The following COLGALT1 variants were observed in gnomAD, a reference collection of about 807,000 sequenced individuals.
COLGALT1 encodes the protein procollagen galactosyltransferase 1.
In COLGALT1, 43 loss-of-function variants were observed where a neutral mutation model predicts 60.8. The ratio of observed to expected loss-of-function variants is 0.71; its 90% CI spans 0.55 to 0.91. The LOEUF is 0.91. COLGALT1 is among the 40% of genes least tolerant of loss of function. The probability of loss-of-function intolerance (pLI) is 0.00; values close to 1 mark genes in which losing one functional copy is unlikely to be tolerated. For synonymous variants in COLGALT1, 369 were observed against 374.2 expected (o/e 0.99, Z 0.16); for missense variants, 845 against 880.0 (o/e 0.96, Z 0.50).
chr19:17,577,106 T>G, intron 6 of COLGALT1, 89 bp from the exon 7 acceptor site: 1 of 1,338,796 alleles, frequency 7.5e-7, no homozygotes, highest in Non-Finnish European at 1.1e-6. Flanking sequence ...CCAGTCTGAC[T>G]GGGAGCCATG....
chr19:17,578,363 C>T (rs886524433), intron 9 of COLGALT1, among the ~76,000 whole-genome samples: 1 of 152,112 alleles, frequency 6.6e-6, no homozygotes, highest in African/African-American at 2.4e-5. Flanking sequence ...GGCCTGGGAC[C>T]TGTAAACAAA....
At chr19:17,560,323 C>G in intron 2 of COLGALT1, 25 bp from the exon 3 acceptor site, 12 of 1,566,310 alleles carry the variant, frequency 7.7e-6, no homozygotes, top group Non-Finnish European at 1.1e-5. Context: ...CTTGTGATGT[C>G]CACATCACAG....
intron 5 of COLGALT1, among the ~76,000 whole-genome samples, chr19:17,571,309 T>G (rs2076311264): frequency 6.6e-6 from 1 of 151,668 alleles, no homozygotes; most frequent in South Asian, 2.1e-4. Context: ...CCCAGCTACT[T>G]GGGAGGCTGA....
At chr19:17,567,333 C>T (rs2076285323) in intron 3 of COLGALT1, 73 bp from the exon 4 acceptor site, 1 of 1,589,868 alleles carries the variant, frequency 6.3e-7, no homozygotes. Flanking sequence ...AGGGCACTGG[C>T]CTTTGCCCCA....
intron 3 of COLGALT1, among the ~76,000 whole-genome samples, chr19:17,562,804 G>T (rs191202701): frequency 6.6e-6 from 1 of 152,256 alleles, no homozygotes; most frequent in East Asian, 1.9e-4. Context: ...AAGGAGACAG[G>T]TTCTGCTTTG....
At chr19:17,577,590 G>T in intron 8 of COLGALT1, 123 bp downstream of exon 8, 1 of 864,324 alleles carries the variant, frequency 1.2e-6, no homozygotes, top group African/African-American at 1.7e-5. Context: ...TGTAGACCTC[G>T]TCAGTGGGCG....
intron 3 of COLGALT1, among the ~76,000 whole-genome samples, chr19:17,561,839 T>C (rs768919933): frequency 9.9e-5 from 15 of 152,118 alleles, no homozygotes; most frequent in Non-Finnish European, 2.1e-4. Flanking sequence ...CCAAATGTTA[T>C]TTCAGCCTTC....
intron 3 of COLGALT1, among the ~76,000 whole-genome samples, chr19:17,564,401 G>T (rs1029853321): frequency 3.5e-5 from 5 of 141,024 alleles, no homozygotes; most frequent in African/African-American, 1.3e-4. Flanking sequence ...AAACAAGAAA[G>T]AAAAACATCT....
rs989330107 is a variant in COLGALT1 at position 17,583,132 on chromosome 19, T to C, written c.*1688T>C. On this transcript the variant is annotated 3_prime_UTR_variant, in exon 12 of 12. Transcript: ENST00000252599. Reference sequence around the variant, plus strand: ...CTTGGGGATAACTTGCTTAGTTTTTTAATAAATGTTCCTGGTTGGTTTTCA... The same window carrying C: ...CTTGGGGATAACTTGCTTAGTTTTTCAATAAATGTTCCTGGTTGGTTTTCA... 1.3e-5 allele frequency: 2 copies of C among 152,248 alleles called. No individual in the cohort carries two copies. 9.4% of individuals were successfully genotyped at this position (152,248 alleles called of 1,614,324 possible). A position where few individuals can be genotyped will look rare whatever the true frequency, so the allele number is the denominator to read the frequency against.
At chr19:17,567,776 T>TAA (rs10708878) in intron 4 of COLGALT1, among the ~76,000 whole-genome samples, 27 of 141,972 alleles carry the variant, frequency 1.9e-4, no homozygotes, top group Middle Eastern at 3.6e-3. Flanking sequence ...CCATCTCTAC[T>TAA]AAAAAAAAAA....
chr19:17,577,204 C>G lies in COLGALT1; in HGVS notation c.959C>G (p.Pro320Arg), dbSNP rs780399866. 1.2e-6 allele frequency: 2 copies of G among 1,613,022 alleles called. No homozygotes were observed. Among genetic ancestry groups the G allele is most frequent in the African/African-American group, 1.3e-5 (1 of 74,710 alleles). The change falls in exon 7 of 12, where the codon CCG becomes CGG. Residue 320 changes from proline to arginine, a missense_variant. Coordinates refer to ENST00000252599, the MANE Select transcript of COLGALT1 (RefSeq NM_024656.4). ...CGTCTGTGCCCCACAGTGAAGCACCCGCCCGCAGAGCCCTCCCGCTTCATC... is the reference window on the plus strand; with the variant it reads ...CGTCTGTGCCCCACAGTGAAGCACCGGCCCGCAGAGCCCTCCCGCTTCATC... ...HVQLEVMVKH[P>R]PAEPSRFISA...
In COLGALT1 at chr19:17,572,734, G is replaced by C. The variant is rs974893595; in HGVS notation, c.949+132G>C. 7 of 1,321,474 alleles carry C rather than the reference G, an allele frequency of 5.3e-6. No homozygotes were observed. The South Asian group carries it at 8.3e-5, about 16-fold the overall frequency. 81.9% of individuals were successfully genotyped at this position (1,321,474 alleles called of 1,614,324 possible). On this transcript the variant is annotated intron_variant, in intron 6 of 11. Transcript: ENST00000252599. ...CCCTGTGGGGGGTGCTGGGTGCAAC[G>C]GCACGTGTGAACGAGGTGGAGGGTT...
At chr19:17,568,233 G>A (rs62119897) in intron 4 of COLGALT1, among the ~76,000 whole-genome samples, 10,152 of 152,198 alleles carry the variant, frequency 0.067, 574 homozygotes, top group Admixed American at 0.19. Context: ...TCCCAGCAGC[G>A]TCTAGCCATC....
Position 17,581,980 on chromosome 19 carries a change from C to T in COLGALT1, c.*536C>T, listed in dbSNP as rs569232352. ...AGGCTGGAGTGCAGTGGTGTGACGGCTCACTGCAGCCTGCGCCTCCCAGCG... is the reference window on the plus strand; with the variant it reads ...AGGCTGGAGTGCAGTGGTGTGACGGTTCACTGCAGCCTGCGCCTCCCAGCG... On this transcript the variant is annotated 3_prime_UTR_variant, in exon 12 of 12. Transcript: ENST00000252599. 1 of 153,850 alleles carries T rather than the reference C, an allele frequency of 6.5e-6. No homozygotes were observed. The highest frequency in any genetic ancestry group is 1.9e-4 in the South Asian group (1 of 5,354). The allele number at this position is 153,850 out of a possible 1,614,324, so 9.5% of individuals were successfully genotyped here.
chr19:17,567,446 T>C lies in COLGALT1; in HGVS notation c.530T>C (p.Leu177Pro). ...AACCTGATCCTCAACCCTGACACAC[T>C]GAGCCTGCTCATCGCTGAGAACAAG... ...ADNLILNPDT[L>P]SLLIAENKTV... Residue 177 changes from leucine (L) to proline (P), a missense_variant, in exon 4 of 12, where the codon CTG (leucine) becomes CCG (proline). Coordinates refer to ENST00000252599, the MANE Select transcript of COLGALT1 (RefSeq NM_024656.4). 2 of 1,614,070 alleles carry C rather than the reference T, an allele frequency of 1.2e-6. No homozygotes were observed. Among genetic ancestry groups the C allele is most frequent in the Non-Finnish European group, 1.7e-6 (2 of 1,179,948 alleles).
chr19:17,560,364 G>A lies in COLGALT1; in HGVS notation c.388G>A (p.Glu130Lys), dbSNP rs1457446114. ...AEEPRSYPDE[E>K]GPKHWSDSRY... ...TCCCCATAGGTCCTACCCGGACGAG[G>A]AAGGCCCGAAACACTGGTCTGACTC... Residue 130 changes from glutamate to lysine, a missense_variant, in exon 3 of 12, where the codon GAA (glutamate) becomes AAA (lysine). By Grantham distance (56) the Glu-to-Lys change is moderately conservative (BLOSUM62 1). Transcript: ENST00000252599. 1 of 1,613,914 alleles carries A rather than the reference G, an allele frequency of 6.2e-7. No individual in the cohort carries two copies. Among genetic ancestry groups the A allele is most frequent in the African/African-American group, 1.3e-5 (1 of 74,916 alleles).
chr19:17,581,132 C>A (rs1465642274), intron 11 of COLGALT1, 45 bp from the exon 12 acceptor site: 1 of 1,590,078 alleles, frequency 6.3e-7, no homozygotes, highest in African/African-American at 1.4e-5. Flanking sequence ...CTGTCCCGTC[C>A]CCTGAAGCCA....
chr19:17,561,330 C>G (rs1416895997), intron 3 of COLGALT1, among the ~76,000 whole-genome samples: 1 of 152,068 alleles, frequency 6.6e-6, no homozygotes, highest in African/African-American at 2.4e-5. Flanking sequence ...ATCTTCCTGC[C>G]TCGGCCTCCC....
chr19:17,577,057 G>A (rs2076347365), intron 6 of COLGALT1, 138 bp from the exon 7 acceptor site: 2 of 708,966 alleles, frequency 2.8e-6, no homozygotes, highest in East Asian at 5.7e-5. Context: ...AGAGGGCAGC[G>A]CTGATGTGGG....
Sources: allele counts gnomAD v4.1 joint callset (sites outside exome capture counted in the v4.1 genomes callset), GRCh38; gene constraint gnomAD v4.1.1; transcripts MANE v1.5; gene names NCBI Gene and HGNC (gene_info 2026-07-23, HGNC 2026-07-21).